The following CHRNA2 variants were observed in gnomAD, a reference collection of about 807,000 sequenced individuals.
CHRNA2 encodes neuronal acetylcholine receptor subunit alpha-2.
In CHRNA2, 40 loss-of-function variants were observed where a neutral mutation model predicts 45.5. The ratio of observed to expected loss-of-function variants is 0.88; its 90% CI spans 0.68 to 1.15. CHRNA2 has a LOEUF of 1.15. CHRNA2 is among the 50% of genes most tolerant of loss of function. The probability of loss-of-function intolerance (pLI) is 0.00; values close to 1 mark genes in which losing one functional copy is unlikely to be tolerated. For missense variants in CHRNA2, 655 were observed against 701.7 expected, an observed-to-expected ratio of 0.93 and a Z score of 0.75; for synonymous variants, 301 against 296.7, an observed-to-expected ratio of 1.01 and a Z score of -0.15.
intron 6 of CHRNA2, among the ~76,000 whole-genome samples, chr8:27,462,562 G>C (rs1812529067): frequency 6.6e-6 from 1 of 152,214 alleles, no homozygotes; most frequent in Non-Finnish European, 1.5e-5. Flanking sequence ...CGGAGGAAGA[G>C]ACCATCCAAG....
At chr8:27,468,717 G>A (rs930383173) in intron 4 of CHRNA2, among the ~76,000 whole-genome samples, 23 of 152,190 alleles carry the variant, frequency 1.5e-4, no homozygotes, top group African/African-American at 5.5e-4. Context: ...TGTGAATTAA[G>A]CTGTCTCAGA....
intron 4 of CHRNA2, among the ~76,000 whole-genome samples, chr8:27,468,230 C>T (rs564005178): frequency 1.3e-5 from 2 of 152,212 alleles, no homozygotes; most frequent in Non-Finnish European, 2.9e-5. Flanking sequence ...CCCTGAAGCC[C>T]AGGTGACCAG....
chr8:27,476,289 A>G (rs1227954951), intron 1 of CHRNA2, among the ~76,000 whole-genome samples: 1 of 152,202 alleles, frequency 6.6e-6, no homozygotes, highest in African/African-American at 2.4e-5. Flanking sequence ...GTCCACCCCT[A>G]ATGTGGGGCA....
At position 27,470,127 on chromosome 8, in the gene CHRNA2, G is replaced by C. The variant is rs111923374; in HGVS notation, c.74-146C>G. The C allele has an allele frequency of 1.5e-4, 119 of 815,590 alleles. 1 individual carries two copies. In the African/African-American group the frequency reaches 1.7e-3, roughly 12 times the overall value. The allele number at this position is 815,590 out of a possible 1,614,324, so 50.5% of individuals were successfully genotyped here. On this transcript the variant is annotated intron_variant, in intron 2 of 6. Transcript: ENST00000407991. ...TCAGAGCTGAGCACAGCATGAGCAGGCTGCGGGGTCGGAGCTCAGGAAAGG... is the reference window on the plus strand; with the variant it reads ...TCAGAGCTGAGCACAGCATGAGCAGCCTGCGGGGTCGGAGCTCAGGAAAGG...
In CHRNA2 at chr8:27,463,194, C is replaced by A; in HGVS notation, c.1249G>T (p.Val417Leu). 6.3e-7 allele frequency: 1 copy of A among 1,590,206 alleles called. No individual in the cohort carries two copies. The highest frequency in any genetic ancestry group is 8.6e-7 in the Non-Finnish European group (1 of 1,164,824). Residue 417 changes from valine (V) to leucine (L), a missense_variant, in exon 6 of 7, where the codon GTG becomes TTG. By Grantham distance (32) the Val-to-Leu change is conservative. This residue lies in a region of CHRNA2 where 295 missense variants were observed against 280.4 expected (regional missense o/e 1.05). Transcript: ENST00000407991. The surrounding 1 kb of genome is among the most constrained non-coding windows in gnomAD (Gnocchi z 6.1). ...NVDAEEREVV[V>L]EEEDRWACAG... ...CATGCCCATCTGTCCTCCTCCTCCA[C>A]CACCACCTCCCTCTCCTCGGCATCC...
chr8:27,472,940 A>T (rs891667667), intron 1 of CHRNA2, among the ~76,000 whole-genome samples: 1 of 152,218 alleles, frequency 6.6e-6, no homozygotes, highest in African/African-American at 2.4e-5. Flanking sequence ...AAAGGGTTCT[A>T]GTGACCAGAA....
rs771977388 is a variant in CHRNA2, at chr8:27,469,949, C to A, written c.106G>T (p.Ala36Ser). The A allele has an allele frequency of 6.8e-6, 11 of 1,613,904 alleles. No homozygotes were observed. The highest frequency in any genetic ancestry group is 3.3e-4 in the Middle Eastern group (2 of 6,084). The change falls in exon 3 of 7, where the codon GCT becomes TCT. Residue 36 changes from alanine (A) to serine (S), a missense_variant. Physicochemically the swap from Ala to Ser is moderately conservative, Grantham distance 99. Around this residue, in one of 3 missense-constraint regions of CHRNA2, gnomAD observed 323 missense variants for 354.4 expected, o/e 0.91. Coordinates refer to ENST00000407991, the MANE Select transcript of CHRNA2 (RefSeq NM_000742.4). The part of the protein sequence containing the change: ...GEEAKRPPPR[A>S]PGDPLSSPSP... ...GGAGAGGAGAGTGGGTCTCCAGGAG[C>A]CCTGGGAGGTGGGCGCTTAGCTTCC...
At position 27,463,481 on chromosome 8, in the gene CHRNA2, G is replaced by A; in HGVS notation, c.962C>T (p.Thr321Ile). 1 of 1,614,246 alleles carries A rather than the reference G, an allele frequency of 6.2e-7. No individual in the cohort carries two copies. Residue 321 changes from threonine (T) to isoleucine (I), a missense_variant, in exon 6 of 7, where the codon ACC (threonine) becomes ATC (isoleucine). Around this residue, in one of 3 missense-constraint regions of CHRNA2, gnomAD observed 295 missense variants for 280.4 expected, o/e 1.05. Coordinates refer to ENST00000407991, the MANE Select transcript of CHRNA2 (RefSeq NM_000742.4). This position sits in a 1 kb window ranked among gnomAD's most constrained non-coding sequence, Gnocchi z 6.1. The part of the protein sequence containing the change: ...LLLITEIIPS[T>I]SLVIPLIGEY... ...GCCGATGAGCGGGATGACCAGCGAG[G>A]TGGACGGGATGATCTCAGTGATGAG...
At chr8:27,474,213 G>A (rs1812992595) in intron 1 of CHRNA2, among the ~76,000 whole-genome samples, 2 of 152,112 alleles carry the variant, frequency 1.3e-5, no homozygotes, top group African/African-American at 4.8e-5. Context: ...AGGAATGTGG[G>A]AAGGATTTGA....
At chr8:27,466,255 A>G (rs997872586) in intron 5 of CHRNA2, among the ~76,000 whole-genome samples, 2 of 152,200 alleles carry the variant, frequency 1.3e-5, no homozygotes, top group African/African-American at 4.8e-5. Flanking sequence ...AATCTGACCC[A>G]TCTGAAGACA....
At chr8:27,472,414 T>C (rs115767771) in intron 1 of CHRNA2, among the ~76,000 whole-genome samples, 336 of 152,244 alleles carry the variant, frequency 2.2e-3, no homozygotes, top group African/African-American at 7.5e-3. Context: ...TGAATTGAAT[T>C]AGAAGGCACC....
In CHRNA2 at chr8:27,463,672, G is replaced by C; in HGVS notation, c.771C>G (p.Tyr257Ter). The C allele has an allele frequency of 6.2e-7, 1 of 1,614,148 alleles. No individual in the cohort carries two copies. The highest frequency in any genetic ancestry group is 8.5e-7 in the Non-Finnish European group (1 of 1,180,034). The change falls in exon 6 of 7, where the codon TAC (tyrosine) becomes TAG (stop). Residue 257 changes from tyrosine to a stop codon, truncating the protein, a stop_gained. Coordinates refer to ENST00000407991, the MANE Select transcript of CHRNA2 (RefSeq NM_000742.4). LOFTEE classifies it high-confidence loss of function. This position sits in a 1 kb window ranked among gnomAD's most constrained non-coding sequence, Gnocchi z 6.1. ...GCGGCAGCCGCCGGATGACGAAGGC[G>C]TAGGTGACGTCGGGGTAGATCTCGG... Reference protein sequence around the residue: ...CCAEIYPDVTYAFVIRRLPLF... With the variant: ...CCAEIYPDVT
intron 1 of CHRNA2, among the ~76,000 whole-genome samples, chr8:27,477,718 T>G (rs1475763100): frequency 6.6e-6 from 1 of 152,108 alleles, no homozygotes; most frequent in East Asian, 1.9e-4. Context: ...AGCTGCACAC[T>G]TTGACCCTCT....
At chr8:27,472,446 T>A (rs868758950) in intron 1 of CHRNA2, among the ~76,000 whole-genome samples, 1 of 152,212 alleles carries the variant, frequency 6.6e-6, no homozygotes, top group East Asian at 1.9e-4. Flanking sequence ...TGCTGCAGAA[T>A]TGACAGCTTG....
At chr8:27,464,040 C>T in intron 5 of CHRNA2, 47 bp from the exon 6 acceptor site, 6 of 1,606,778 alleles carry the variant, frequency 3.7e-6, no homozygotes, top group Non-Finnish European at 5.1e-6. Context: ...ACCCACCTGC[C>T]TGAGCCAGGC....
At chr8:27,464,738 C>T (rs937873028) in intron 5 of CHRNA2, among the ~76,000 whole-genome samples, 7 of 152,154 alleles carry the variant, frequency 4.6e-5, no homozygotes, top group African/African-American at 1.7e-4. Context: ...TCAGAAGAGA[C>T]CTAACACCTT....
intron 4 of CHRNA2, among the ~76,000 whole-genome samples, chr8:27,467,678 T>A (rs186852929): frequency 6.6e-6 from 1 of 152,350 alleles, no homozygotes; most frequent in Non-Finnish European, 1.5e-5. Context: ...TTTTAGGGCA[T>A]CACAGTTTAT....
chr8:27,464,111 G>C, intron 5 of CHRNA2, 118 bp from the exon 6 acceptor site: 1 of 1,187,502 alleles, frequency 8.4e-7, no homozygotes, highest in Non-Finnish European at 1.2e-6. Flanking sequence ...CCACACTGGC[G>C]GGGTTTATTT....
intron 1 of CHRNA2, among the ~76,000 whole-genome samples, chr8:27,478,183 TC>T (rs542330619): frequency 6.2e-4 from 94 of 152,242 alleles, no homozygotes; most frequent in African/African-American, 2.2e-3. Flanking sequence ...AACATTACAC[TC>T]CCAAAGAAGC....
Sources: gnomAD v4.1 joint callset for allele counts (sites outside exome capture counted in the v4.1 genomes callset) on GRCh38, gnomAD v4.1.1 for gene constraint, gnomAD v4.1.1 regional missense constraint, Gnocchi (gnomAD v3.1) non-coding constraint, MANE v1.5 for transcripts, NCBI Gene and HGNC (gene_info 2026-07-23, HGNC 2026-07-21) for gene names.